Variants in NCAM2 observed in about 807,000 individuals in gnomAD.
NCAM2 encodes the protein neural cell adhesion molecule 2.
Under a neutral mutation model 98.1 loss-of-function variants are expected in NCAM2, and 30 were observed. That is an observed-to-expected ratio of 0.31 (90% CI 0.23 to 0.41). The LOEUF is 0.41. Ranked by LOEUF, NCAM2 falls within the 10% of genes least tolerant of loss-of-function variation. The pLI, the probability that NCAM2 is intolerant of heterozygous loss-of-function variation, is 1.00. For synonymous variants in NCAM2, 368 were observed against 342.4 expected, an observed-to-expected ratio of 1.07 and a Z score of -0.83; for missense variants, 867 against 1,005.8, an observed-to-expected ratio of 0.86 and a Z score of 1.87.
chr21:21,064,559 A>G (rs569751171), intron 1 of NCAM2, among the ~76,000 whole-genome samples: 1 of 152,276 alleles, frequency 6.6e-6, no homozygotes, highest in African/African-American at 2.4e-5. Context: ...TAGGTTAGTC[A>G]TTCTAGGAAT....
At chr21:21,477,150 A>G (rs1417351018) in intron 14 of NCAM2, 141 bp from the exon 15 acceptor site, 44 of 504,788 alleles carry the variant, frequency 8.7e-5, no homozygotes, top group Non-Finnish European at 2.7e-5. Context: ...TTGACACAGC[A>G]ACTTCATGTA....
intron 1 of NCAM2, among the ~76,000 whole-genome samples, chr21:21,210,338 T>C (rs149154879): frequency 0.018 from 2,724 of 152,320 alleles, 82 homozygotes; most frequent in African/African-American, 0.062. Flanking sequence ...CCTGATCATT[T>C]GAGGTTCATA....
intron 15 of NCAM2, among the ~76,000 whole-genome samples, chr21:21,500,564 CA>C (rs1335663325): frequency 1.3e-5 from 2 of 151,928 alleles, no homozygotes; most frequent in African/African-American, 4.8e-5. Context: ...GTAATTACAA[CA>C]CATGCAAATG....
intron 1 of NCAM2, among the ~76,000 whole-genome samples, chr21:21,053,327 A>G (rs1447446598): frequency 2.0e-5 from 3 of 152,008 alleles, no homozygotes; most frequent in Non-Finnish European, 2.9e-5. Context: ...TTTTCATTGC[A>G]TCCATCTTCT....
At chr21:21,420,093 A>G (rs1034132676) in intron 11 of NCAM2, among the ~76,000 whole-genome samples, 9 of 152,198 alleles carry the variant, frequency 5.9e-5, no homozygotes, top group Non-Finnish European at 1.0e-4. Context: ...AAAATTAAAA[A>G]GCAAAACACT....
intron 9 of NCAM2, among the ~76,000 whole-genome samples, chr21:21,378,055 A>G (rs1009951044): frequency 1.3e-5 from 2 of 152,054 alleles, no homozygotes; most frequent in African/African-American, 4.8e-5. Flanking sequence ...CTGTGTATCT[A>G]TACCACATTT....
chr21:21,453,860 G>A (rs1981718026), intron 12 of NCAM2, among the ~76,000 whole-genome samples: 1 of 152,002 alleles, frequency 6.6e-6, no homozygotes, highest in African/African-American at 2.4e-5. Context: ...TAGAATATAA[G>A]GCGATGTTTA....
chr21:21,071,435 G>A (rs759120494), intron 1 of NCAM2, among the ~76,000 whole-genome samples: 1 of 152,112 alleles, frequency 6.6e-6, no homozygotes, highest in Non-Finnish European at 1.5e-5. Context: ...TAAAACAAAT[G>A]TGGAGAAAGC....
rs1990264418 is a variant in NCAM2 at position 21,542,339 on chromosome 21, G to T, written c.*4382G>T. 1 of 151,418 alleles carries T rather than the reference G, an allele frequency of 6.6e-6. No individual in the cohort carries two copies. The highest frequency in any genetic ancestry group is 6.6e-5 in the Admixed American group (1 of 15,152). 9.4% of individuals were successfully genotyped at this position (151,418 alleles called of 1,614,324 possible). ...CAAAGAATTTTATATTATATATAATGCTAAATATTTATTTGATAACACAAT... is the reference window on the plus strand; with the variant it reads ...CAAAGAATTTTATATTATATATAATTCTAAATATTTATTTGATAACACAAT... On this transcript the variant is annotated 3_prime_UTR_variant, in exon 18 of 18. Coordinates refer to ENST00000400546, the MANE Select transcript of NCAM2 (RefSeq NM_004540.5).
intron 15 of NCAM2, among the ~76,000 whole-genome samples, chr21:21,477,806 C>G (rs565717752): frequency 6.6e-6 from 1 of 152,202 alleles, no homozygotes; most frequent in South Asian, 2.1e-4. Context: ...AATTTCTCTG[C>G]CAATCATGTG....
chr21:21,350,358 A>G (rs2075301626), intron 8 of NCAM2, among the ~76,000 whole-genome samples: 1 of 152,170 alleles, frequency 6.6e-6, no homozygotes, highest in Non-Finnish European at 1.5e-5. Flanking sequence ...TAACTCACTA[A>G]CTACGATGTG....
chr21:21,510,842 T>C (rs562256000), intron 16 of NCAM2, among the ~76,000 whole-genome samples: 1 of 152,196 alleles, frequency 6.6e-6, no homozygotes, highest in African/African-American at 2.4e-5. Context: ...GTTTAATAAA[T>C]ATTCACAAGC....
intron 1 of NCAM2, among the ~76,000 whole-genome samples, chr21:21,045,984 G>C (rs570893384): frequency 1.8e-4 from 27 of 152,256 alleles, no homozygotes; most frequent in African/African-American, 5.8e-4. Flanking sequence ...AGCACCTCTT[G>C]CCAAGTTTCT....
intron 9 of NCAM2, among the ~76,000 whole-genome samples, chr21:21,391,453 A>G (rs537507083): frequency 6.6e-6 from 1 of 152,298 alleles, no homozygotes; most frequent in East Asian, 1.9e-4. Context: ...TAACATCATC[A>G]CAGTATTTTG....
intron 1 of NCAM2, among the ~76,000 whole-genome samples, chr21:21,007,885 C>G (rs150562679): frequency 1.3e-5 from 2 of 152,234 alleles, no homozygotes; most frequent in East Asian, 3.9e-4. Flanking sequence ...TTATTTTACC[C>G]AGATGCTATT....
chr21:21,181,793 A>G (rs1225872100), intron 1 of NCAM2, among the ~76,000 whole-genome samples: 1 of 151,436 alleles, frequency 6.6e-6, no homozygotes, highest in East Asian at 1.9e-4. Context: ...TTCCTGCACA[A>G]TATTTATCAC....
At chr21:21,534,693 G>T in intron 17 of NCAM2, 37 bp downstream of exon 17, 1 of 1,482,982 alleles carries the variant, frequency 6.7e-7, no homozygotes, top group Non-Finnish European at 9.0e-7. Context: ...GTTCAAATGG[G>T]TATTGGCAAA....
intron 3 of NCAM2, among the ~76,000 whole-genome samples, chr21:21,285,951 T>C (rs2073081691): frequency 6.6e-6 from 1 of 151,870 alleles, no homozygotes; most frequent in African/African-American, 2.4e-5. Context: ...AAACTTGGAA[T>C]GTTCAAGGAA....
At chr21:21,037,252 A>G (rs1010502490) in intron 1 of NCAM2, among the ~76,000 whole-genome samples, 1 of 152,086 alleles carries the variant, frequency 6.6e-6, no homozygotes, top group African/African-American at 2.4e-5. Context: ...GTTTTCTTTT[A>G]TTATTAATAG....
Sources: allele counts gnomAD v4.1 joint callset (sites outside exome capture counted in the v4.1 genomes callset), GRCh38; gene constraint gnomAD v4.1.1; transcripts MANE v1.5; gene names NCBI Gene and HGNC (gene_info 2026-07-23, HGNC 2026-07-21).